The following DRC11 variants were observed in gnomAD, a reference collection of about 807,000 sequenced individuals.
DRC11 encodes dynein regulatory complex subunit 11.
At chr2:236,496,587 A>G in the DRC11 span, among the ~76,000 whole-genome samples, 11 of 152,156 alleles carry the variant, frequency 7.2e-5, no homozygotes, top group Admixed American at 7.2e-4. This position sits in a 1 kb window ranked among gnomAD's most constrained non-coding sequence, Gnocchi z 6.3. Flanking sequence ...GCCAGGCGCC[A>G]GCAGCAAGGG....
chr2:236,465,661 T>C, the DRC11 span: 5 of 1,613,638 alleles, frequency 3.1e-6, no homozygotes, highest in Middle Eastern at 3.3e-4. This position sits in a 1 kb window ranked among gnomAD's most constrained non-coding sequence, Gnocchi z 6.2. Context: ...GTCCACCTTT[T>C]CAGCCTGGAT....
At chr2:236,357,695 A>C in the DRC11 span, among the ~76,000 whole-genome samples, 1 of 87,586 alleles carries the variant, frequency 1.1e-5, no homozygotes, top group African/African-American at 4.1e-5. Context: ...ATATGTAAAT[A>C]TCTGATATGT....
chr2:236,392,066 A>G, the DRC11 span: 1 of 1,613,642 alleles, frequency 6.2e-7, no homozygotes. The surrounding 1 kb of genome is among the most constrained non-coding windows in gnomAD (Gnocchi z 5.1). Flanking sequence ...TCATCAACTC[A>G]TCAACCTAGG....
the DRC11 span, chr2:236,503,808 G>A: frequency 9.8e-7 from 1 of 1,015,540 alleles, no homozygotes. The surrounding 1 kb of genome is among the most constrained non-coding windows in gnomAD (Gnocchi z 4.9). Context: ...CCAGCCTGGG[G>A]AGCCCCCACT....
chr2:236,484,571 T>A, the DRC11 span, among the ~76,000 whole-genome samples: 1 of 152,040 alleles, frequency 6.6e-6, no homozygotes, highest in Non-Finnish European at 1.5e-5. Context: ...TGAATATCTG[T>A]ATATTGTATA....
At chr2:236,357,081 C>CGATATAT in the DRC11 span, among the ~76,000 whole-genome samples, 1,655 of 97,626 alleles carry the variant, frequency 0.017, 200 homozygotes, top group Non-Finnish European at 0.021. Context: ...TATTATATAT[C>CGATATAT]TATATATTTT....
the DRC11 span, among the ~76,000 whole-genome samples, chr2:236,369,959 G>A: frequency 1.2e-4 from 19 of 152,214 alleles, no homozygotes; most frequent in South Asian, 2.1e-4. The surrounding 1 kb of genome is among the most constrained non-coding windows in gnomAD (Gnocchi z 4.5). Context: ...GCGGCTGCAC[G>A]ACAGGTGGAA....
the DRC11 span, among the ~76,000 whole-genome samples, chr2:236,497,916 G>A: frequency 6.6e-6 from 1 of 152,158 alleles, no homozygotes; most frequent in Non-Finnish European, 1.5e-5. This position sits in a 1 kb window ranked among gnomAD's most constrained non-coding sequence, Gnocchi z 5.1. Context: ...TGCATACCCT[G>A]TGAATGAATA....
At chr2:236,425,780 G>A in the DRC11 span, among the ~76,000 whole-genome samples, 1 of 151,954 alleles carries the variant, frequency 6.6e-6, no homozygotes, top group Non-Finnish European at 1.5e-5. Context: ...TTTTGTTCAT[G>A]GCTTTCACTC....
chr2:236,404,161 T>TAAAA, the DRC11 span, among the ~76,000 whole-genome samples: 35 of 91,550 alleles, frequency 3.8e-4, no homozygotes, highest in African/African-American at 1.3e-3. Context: ...AATGGAGAGT[T>TAAAA]AAAAAAAAAA....
At chr2:236,378,540 T>C in the DRC11 span, among the ~76,000 whole-genome samples, 3 of 151,796 alleles carry the variant, frequency 2.0e-5, no homozygotes, top group African/African-American at 7.3e-5. Flanking sequence ...CTGGGCCTGG[T>C]GGTGGGCAAC....
chr2:236,437,014 A>G, the DRC11 span, among the ~76,000 whole-genome samples: 2 of 151,592 alleles, frequency 1.3e-5, no homozygotes, highest in Non-Finnish European at 2.9e-5. Context: ...ATATGTATAC[A>G]TGTGCCATGC....
At chr2:236,462,390 C>T in the DRC11 span, among the ~76,000 whole-genome samples, 5 of 152,100 alleles carry the variant, frequency 3.3e-5, no homozygotes, top group Admixed American at 6.5e-5. This position sits in a 1 kb window ranked among gnomAD's most constrained non-coding sequence, Gnocchi z 6.4. Flanking sequence ...ACCCACCAGG[C>T]GCCGGGTGCG....
chr2:236,369,625 A>G, the DRC11 span, among the ~76,000 whole-genome samples: 1 of 152,238 alleles, frequency 6.6e-6, no homozygotes, highest in Non-Finnish European at 1.5e-5. The surrounding 1 kb of genome is among the most constrained non-coding windows in gnomAD (Gnocchi z 4.5). Flanking sequence ...TTTCTAGAAC[A>G]TAACAGATCT....
chr2:236,380,687 A>G, the DRC11 span: 14 of 1,357,642 alleles, frequency 1.0e-5, no homozygotes, highest in Non-Finnish European at 1.4e-5. This position sits in a 1 kb window ranked among gnomAD's most constrained non-coding sequence, Gnocchi z 4.9. Flanking sequence ...AAGCAAGCAA[A>G]TAAGTCCTAG....
At chr2:236,341,244 G>T in the DRC11 span, among the ~76,000 whole-genome samples, 1 of 152,214 alleles carries the variant, frequency 6.6e-6, no homozygotes, top group African/African-American at 2.4e-5. Context: ...GTAACAAAGG[G>T]TAATGGGGCA....
chr2:236,317,125 G>A, the DRC11 span, among the ~76,000 whole-genome samples: 5 of 152,052 alleles, frequency 3.3e-5, no homozygotes, highest in African/African-American at 4.8e-5. The surrounding 1 kb of genome is among the most constrained non-coding windows in gnomAD (Gnocchi z 5.4). Context: ...GTGAAACTCC[G>A]TCTCTACTAA....
At chr2:236,437,865 G>T in the DRC11 span, among the ~76,000 whole-genome samples, 2 of 144,250 alleles carry the variant, frequency 1.4e-5, 1 homozygote, top group Non-Finnish European at 3.1e-5. Context: ...TGAGTAGGTT[G>T]CGAAAATTTT....
At chr2:236,435,093 T>C in the DRC11 span, among the ~76,000 whole-genome samples, 4 of 152,172 alleles carry the variant, frequency 2.6e-5, no homozygotes, top group South Asian at 4.1e-4. Context: ...GCAATTCCTG[T>C]GTGCTTAACT....
Sources: gnomAD v4.1 joint callset for allele counts (sites outside exome capture counted in the v4.1 genomes callset) on GRCh38, gnomAD v4.1.1 for gene constraint, Gnocchi (gnomAD v3.1) non-coding constraint, MANE v1.5 for transcripts, NCBI Gene and HGNC (gene_info 2026-07-23, HGNC 2026-07-21) for gene names.